The following FAM200A variants were observed in gnomAD, a reference collection of about 807,000 sequenced individuals.
FAM200A encodes the protein protein FAM200A.
Under a neutral mutation model 44.2 loss-of-function variants are expected in FAM200A, and 26 were observed. The ratio of observed to expected loss-of-function variants is 0.59; its 90% CI spans 0.43 to 0.82. FAM200A has a LOEUF of 0.82. FAM200A is among the 40% of genes least tolerant of loss of function. The pLI, the probability that FAM200A is intolerant of heterozygous loss-of-function variation, is 0.00. For missense variants in FAM200A, 606 were observed against 669.5 expected, an observed-to-expected ratio of 0.91 and a Z score of 1.05; for synonymous variants, 206 against 244.4, an observed-to-expected ratio of 0.84 and a Z score of 1.47.
At chr7:99,549,177 T>TTTTTTTTTTTTTTTTTTTTTTTTTG (rs1554394154) in intron 1 of FAM200A, among the ~76,000 whole-genome samples, 3 of 147,734 alleles carry the variant, frequency 2.0e-5, no homozygotes, top group East Asian at 2.2e-4. Flanking sequence ...TTGTATTTCT[T>TTTTTTTTTTTTTTTTTTTTTTTTTG]AAAAATAAGA....
chr7:99,550,902 C>T (rs910868074), intron 1 of FAM200A, among the ~76,000 whole-genome samples: 1 of 152,082 alleles, frequency 6.6e-6, no homozygotes, highest in East Asian at 1.9e-4. Context: ...CATGGCGAAA[C>T]CCCGTCTCTA....
upstream of FAM200A, among the ~76,000 whole-genome samples, chr7:99,554,893 G>GT (rs1802648482): frequency 6.6e-6 from 1 of 152,238 alleles, no homozygotes; most frequent in East Asian, 1.9e-4. Flanking sequence ...GGCCATAGGA[G>GT]TAAGTTTATG....
chr7:99,553,048 CACATATATATATATACACACACAT>C (rs1802579662), upstream of FAM200A, among the ~76,000 whole-genome samples: 1 of 124,488 alleles, frequency 8.0e-6, no homozygotes, highest in Admixed American at 8.6e-5. Flanking sequence ...TATATACACA[CACATATATATATATACACACACAT>C]ATATATATAT....
chr7:99,547,699 C>A lies in FAM200A; in HGVS notation c.709G>T (p.Val237Phe). ...KLLEATHNNA[V>F]WNHCFIHREA... is the part of the protein sequence containing the mutation. Reference sequence around the variant, plus strand: ...CGATGAATAAAACAGTGATTCCAAACAGCATTGTTGTGGGTTGCTTCTAAC... The same window carrying A: ...CGATGAATAAAACAGTGATTCCAAAAAGCATTGTTGTGGGTTGCTTCTAAC... The change falls in exon 2 of 2, where the codon GTT becomes TTT. Residue 237 changes from valine to phenylalanine, a missense_variant. Transcript: ENST00000449309. 2 of 1,551,480 alleles carry A rather than the reference C, an allele frequency of 1.3e-6. No homozygotes were observed. The highest frequency in any genetic ancestry group is 1.7e-6 in the Non-Finnish European group (2 of 1,146,928).
intron 1 of FAM200A, among the ~76,000 whole-genome samples, chr7:99,557,751 C>G (rs773244382): frequency 4.6e-5 from 7 of 152,206 alleles, no homozygotes; most frequent in Non-Finnish European, 7.3e-5. Flanking sequence ...TGCCACACTT[C>G]AGGTTTTCTT....
upstream of FAM200A, among the ~76,000 whole-genome samples, chr7:99,553,421 G>A (rs1039154615): frequency 2.6e-5 from 4 of 152,098 alleles, no homozygotes; most frequent in Admixed American, 2.6e-4. Context: ...TTTATGTTGT[G>A]TGTGTGGCAG....
At position 99,547,265 on chromosome 7, in the gene FAM200A, C is replaced by T. The variant is rs1299160483; in HGVS notation, c.1143G>A (p.Thr381=). Residue 381 remains threonine, a synonymous_variant, in exon 2 of 2, where the codon ACG becomes ACA. Coordinates refer to ENST00000449309, the MANE Select transcript of FAM200A (RefSeq NM_145111.4). The part of the protein sequence containing the change: ...YLEHILGFQK[T]LLLWQARLKS... ...TAAGTCTTGCTTGCCACAATAATAA[C>T]GTCTTTTGGAATCCTAGAATATGTT... The T allele has an allele frequency of 6.4e-6, 10 of 1,551,286 alleles. No homozygotes were observed. Among genetic ancestry groups the T allele is most frequent in the Admixed American group, 2.0e-5 (1 of 50,966 alleles).
rs746718576 is a variant in FAM200A at position 99,546,923 on chromosome 7, T to C, written c.1485A>G (p.Leu495=). The change falls in exon 2 of 2, where the codon TTA becomes TTG. Residue 495 remains leucine, a synonymous_variant. Transcript: ENST00000449309. ...CTTTAATCTTAATCCAAAATGCTGA[T>C]AAACTTAATATCTTATAATAATTCT... ...TLKNYYKILS[L]SAFWIKIKDD... The C allele has an allele frequency of 2.6e-6, 4 of 1,549,022 alleles. No individual in the cohort carries two copies. In the African/African-American group the frequency reaches 5.5e-5, roughly 21 times the overall value.
In FAM200A at chr7:99,546,893, G is replaced by A. The variant is rs1047614690; in HGVS notation, c.1515C>T (p.Asp505=). 6 of 1,549,598 alleles carry A rather than the reference G, an allele frequency of 3.9e-6. No individual in the cohort carries two copies. In the African/African-American group the frequency reaches 4.1e-5, roughly 11 times the overall value. Residue 505 remains aspartate, a synonymous_variant, in exon 2 of 2, where the codon GAC becomes GAT. Coordinates refer to ENST00000449309, the MANE Select transcript of FAM200A (RefSeq NM_145111.4). ...TACTCTTCCTACTTAGCAGTGGAAA[G>A]TCATCTTTAATCTTAATCCAAAATG... The part of the protein sequence containing the change: ...LSAFWIKIKD[D]FPLLSRKSIL...
At chr7:99,549,187 A>ATGG (rs1307042966) in intron 1 of FAM200A, among the ~76,000 whole-genome samples, 3 of 138,688 alleles carry the variant, frequency 2.2e-5, no homozygotes, top group East Asian at 3.0e-4. Context: ...TAAAAATAAG[A>ATGG]AATTAAGCTG....
intron 1 of FAM200A, among the ~76,000 whole-genome samples, chr7:99,550,715 T>C (rs1030779567): frequency 6.6e-5 from 10 of 152,070 alleles, no homozygotes; most frequent in Non-Finnish European, 1.3e-4. Flanking sequence ...CTCTCCTTTA[T>C]CCCTCGATGT....
In FAM200A at chr7:99,547,540, C is replaced by T. The variant is rs1259874791; in HGVS notation, c.868G>A (p.Val290Met). Residue 290 changes from valine (V) to methionine (M), a missense_variant, in exon 2 of 2, where the codon GTG becomes ATG. Physicochemically the swap from Val to Met is conservative, Grantham distance 21 (BLOSUM62 1). Transcript: ENST00000449309. ...TGAAACAATAAGTGGGTGTGGTTCACTCCAATCTCTGAACAAAATATTTCG... is the reference window on the plus strand; with the variant it reads ...TGAAACAATAAGTGGGTGTGGTTCATTCCAATCTCTGAACAAAATATTTCG... ...LLEIFCSEIG[V>M]NHTHLLFHTE... 2.6e-6 allele frequency: 4 copies of T among 1,550,854 alleles called. No homozygotes were observed. In the East Asian group the frequency reaches 9.8e-5, roughly 38 times the overall value.
chr7:99,558,326 G>A (rs538113052), exon 1 of FAM200A: 34 of 152,388 alleles, frequency 2.2e-4, no homozygotes, highest in African/African-American at 7.9e-4. Context: ...CCTCCTTGCA[G>A]GGAGTCTCAA....
At chr7:99,551,645 G>A (rs1802534346) in intron 1 of FAM200A, among the ~76,000 whole-genome samples, 1 of 152,122 alleles carries the variant, frequency 6.6e-6, no homozygotes, top group African/African-American at 2.4e-5. Flanking sequence ...TTTACAACTC[G>A]GGGTACCCAG....
chr7:99,557,669 C>T (rs1414752869), intron 1 of FAM200A, among the ~76,000 whole-genome samples: 2 of 152,078 alleles, frequency 1.3e-5, no homozygotes, highest in African/African-American at 4.8e-5. Flanking sequence ...ATAAATGATA[C>T]TTAGGGATAA....
chr7:99,550,510 T>A lies in FAM200A; in HGVS notation c.-100+1344A>T, dbSNP rs73403283. On this transcript the variant is annotated intron_variant, in intron 1 of 1. Coordinates refer to ENST00000449309, the MANE Select transcript of FAM200A (RefSeq NM_145111.4). ...ACAAATGGAAATGAATGTGGGGCCA[T>A]AGGTTTTGCTTAGCTGAATGTTAAA... 6.2e-3 allele frequency among the ~76,000 whole-genome samples: 940 copies of A among 152,300 alleles called. 13 individuals carry two copies. The highest frequency in any genetic ancestry group is 0.022 in the African/African-American group (900 of 41,564).
chr7:99,553,028 CATGTATATATATATACACACACAT>C (rs1802577763), upstream of FAM200A, among the ~76,000 whole-genome samples: 1 of 113,000 alleles, frequency 8.8e-6, no homozygotes, highest in African/African-American at 4.0e-5. Context: ...CATATATATA[CATGTATATATATATACACACACAT>C]ATATATATAT....
intron 1 of FAM200A, among the ~76,000 whole-genome samples, chr7:99,550,914 T>C (rs1802513497): frequency 6.6e-6 from 1 of 151,978 alleles, no homozygotes; most frequent in Non-Finnish European, 1.5e-5. Context: ...CCGTCTCTAC[T>C]AAAAGTACAA....
At chr7:99,548,579 A>G in intron 1 of FAM200A, 73 bp from the exon 2 acceptor site, 1 of 1,226,984 alleles carries the variant, frequency 8.2e-7, no homozygotes, top group Middle Eastern at 2.9e-4. Context: ...CTCATACAAA[A>G]CAATTCACTA....
Sources: gnomAD v4.1 joint callset for allele counts (sites outside exome capture counted in the v4.1 genomes callset) on GRCh38, gnomAD v4.1.1 for gene constraint, MANE v1.5 for transcripts, NCBI Gene and HGNC (gene_info 2026-07-23, HGNC 2026-07-21) for gene names.